Variants in LYN observed in about 807,000 individuals in gnomAD.
LYN encodes LYN proto-oncogene, Src family tyrosine kinase.
LYN carries 12 observed loss-of-function variants against 65.0 expected under a neutral mutation model. The ratio of observed to expected loss-of-function variants is 0.18; its 90% CI spans 0.12 to 0.30. The LOEUF (loss-of-function observed/expected upper bound fraction) is 0.30, where lower values mean the gene tolerates loss of function less well. LYN is among the 10% of genes least tolerant of loss of function. LYN has a pLI of 1.00. For synonymous variants in LYN, 222 were observed against 221.2 expected (o/e 1.00, Z -0.03); for missense variants, 380 against 623.2 (o/e 0.61, Z 4.16).
At position 55,952,064 on chromosome 8, in the gene LYN, T is replaced by G; in HGVS notation, c.586T>G (p.Ser196Ala). Residue 196 changes from serine (S) to alanine (A), a missense_variant, in exon 7 of 13, where the codon TCT becomes GCT. Ser to Ala is a moderately conservative substitution (Grantham distance 99, BLOSUM62 1). Coordinates refer to ENST00000519728, the MANE Select transcript of LYN (RefSeq NM_002350.4). ...TCTGGATAATGGGGGCTATTACATCTCTCCACGAATCACTTTTCCCTGTAT... is the reference window on the plus strand; with the variant it reads ...TCTGGATAATGGGGGCTATTACATCGCTCCACGAATCACTTTTCCCTGTAT... The part of the protein sequence containing the change: ...RSLDNGGYYI[S>A]PRITFPCISD... 1 of 1,607,424 alleles carries G rather than the reference T, an allele frequency of 6.2e-7. No individual in the cohort carries two copies. Among genetic ancestry groups the G allele is most frequent in the Non-Finnish European group, 8.5e-7 (1 of 1,178,116 alleles).
intron 1 of LYN, among the ~76,000 whole-genome samples, chr8:55,937,949 G>A (rs1015100570): frequency 2.1e-4 from 32 of 151,984 alleles, no homozygotes; most frequent in African/African-American, 7.5e-4. Flanking sequence ...CACCCGCCTC[G>A]GCCTCCCAAA....
intron 10 of LYN, among the ~76,000 whole-genome samples, chr8:55,985,880 A>G (rs1439537791): frequency 6.6e-6 from 1 of 152,142 alleles, no homozygotes; most frequent in Non-Finnish European, 1.5e-5. Flanking sequence ...TAATATACTA[A>G]GGGTGACCAG....
chr8:55,890,406 A>T (rs1036791542), intron 1 of LYN, among the ~76,000 whole-genome samples: 7 of 152,218 alleles, frequency 4.6e-5, no homozygotes, highest in Admixed American at 4.6e-4. Flanking sequence ...GTTAAAAAAG[A>T]ACACAACAAC....
chr8:55,984,370 G>T (rs1417579022), intron 10 of LYN, among the ~76,000 whole-genome samples: 1 of 152,164 alleles, frequency 6.6e-6, no homozygotes, highest in Admixed American at 6.5e-5. Flanking sequence ...TGTTGGGCAT[G>T]TCAAACTCAA....
intron 11 of LYN, among the ~76,000 whole-genome samples, chr8:55,998,948 CT>C (rs1339496840): frequency 6.6e-6 from 1 of 152,086 alleles, no homozygotes; most frequent in African/African-American, 2.4e-5. Context: ...TGCAAAAAAT[CT>C]ACTTCTTTAT....
chr8:55,958,601 G>A (rs1807187175), intron 8 of LYN, among the ~76,000 whole-genome samples: 1 of 152,186 alleles, frequency 6.6e-6, no homozygotes, highest in Admixed American at 6.5e-5. Context: ...CTGAGAGACT[G>A]TGTACTCTTT....
chr8:55,948,448 A>T (rs1022736171), intron 4 of LYN, among the ~76,000 whole-genome samples: 1 of 152,166 alleles, frequency 6.6e-6, no homozygotes, highest in African/African-American at 2.4e-5. Flanking sequence ...TGTGTTGGGA[A>T]ATTCTCAACT....
chr8:55,904,465 G>A (rs1219276043), intron 1 of LYN, among the ~76,000 whole-genome samples: 1 of 152,092 alleles, frequency 6.6e-6, no homozygotes, highest in Non-Finnish European at 1.5e-5. Context: ...TCTGTTCTGA[G>A]TTCACATATG....
intron 10 of LYN, among the ~76,000 whole-genome samples, chr8:55,989,846 C>T (rs1808193524): frequency 6.6e-6 from 1 of 152,136 alleles, no homozygotes; most frequent in Non-Finnish European, 1.5e-5. Context: ...TAGGCAAAGA[C>T]ATAAATCAGT....
At chr8:55,935,779 C>CAAAAA (rs59848254) in intron 1 of LYN, among the ~76,000 whole-genome samples, 2 of 93,886 alleles carry the variant, frequency 2.1e-5, no homozygotes, top group Non-Finnish European at 4.5e-5. Context: ...AGACTCCATC[C>CAAAAA]AAAAAAAAAA....
At chr8:55,955,080 G>A (rs1409111521) in intron 8 of LYN, 3 of 152,128 alleles carry the variant, frequency 2.0e-5, no homozygotes, top group Admixed American at 6.6e-5. Flanking sequence ...AAATGGAAGG[G>A]GCAGATGGCT....
At chr8:55,911,551 G>A (rs1288041789) in intron 1 of LYN, among the ~76,000 whole-genome samples, 1 of 151,900 alleles carries the variant, frequency 6.6e-6, no homozygotes, top group African/African-American at 2.4e-5. Context: ...GGGGCAGCAG[G>A]TGGAAATGTA....
intron 1 of LYN, among the ~76,000 whole-genome samples, chr8:55,925,020 T>A (rs181793388): frequency 1.8e-4 from 28 of 152,288 alleles, no homozygotes; most frequent in African/African-American, 6.5e-4. Context: ...TTTTATATTT[T>A]TAGTAGAGAT....
chr8:55,970,796 G>T (rs941228818), intron 10 of LYN, among the ~76,000 whole-genome samples: 1 of 152,212 alleles, frequency 6.6e-6, no homozygotes, highest in Non-Finnish European at 1.5e-5. Context: ...TGGAGTTTGT[G>T]TTCTGGCTCT....
chr8:56,003,937 T>A, intron 12 of LYN, among the ~76,000 whole-genome samples: 1 of 144,568 alleles, frequency 6.9e-6, no homozygotes, highest in African/African-American at 2.5e-5. Context: ...TCTTTTTTTT[T>A]TTTTTTTTTT....
chr8:55,889,303 C>G (rs117244009), intron 1 of LYN, among the ~76,000 whole-genome samples: 6,955 of 152,318 alleles, frequency 0.046, 186 homozygotes, highest in Non-Finnish European at 0.06. Flanking sequence ...CCTTGACCTC[C>G]TGGGCTCAAG....
rs373301912 is a variant in LYN, at chr8:56,009,922, G to A, written c.1351G>A (p.Asp451Asn). 1.9e-6 allele frequency: 3 copies of A among 1,613,752 alleles called. No homozygotes were observed. The highest frequency in any genetic ancestry group is 1.3e-5 in the African/African-American group (1 of 74,890). Residue 451 changes from aspartate (D) to asparagine (N), a missense_variant, in exon 13 of 13, where the codon GAC (aspartate) becomes AAC (asparagine). By Grantham distance (23) the Asp-to-Asn change is conservative. Around this residue, in one of 2 missense-constraint regions of LYN, gnomAD observed 223 missense variants for 430.0 expected, o/e 0.52. Transcript: ENST00000519728. The part of the protein sequence containing the change: ...KIPYPGRTNA[D>N]VMTALSQGYR... The stretch of plus-strand genomic sequence containing the variant: ...TTCCACCCTAGGGAGAACTAATGCC[G>A]ACGTGATGACCGCCCTGTCCCAGGG...
At chr8:55,958,299 T>C (rs955211355) in intron 8 of LYN, among the ~76,000 whole-genome samples, 1 of 152,196 alleles carries the variant, frequency 6.6e-6, no homozygotes, top group African/African-American at 2.4e-5. Context: ...TTAACATATA[T>C]TCAGGTGGTG....
intron 1 of LYN, among the ~76,000 whole-genome samples, chr8:55,936,188 A>G (rs1156889329): frequency 6.6e-6 from 1 of 151,964 alleles, no homozygotes; most frequent in Non-Finnish European, 1.5e-5. Flanking sequence ...CTAATTTGAA[A>G]CTCAAGATCA....
Sources: gnomAD v4.1 joint callset for allele counts (sites outside exome capture counted in the v4.1 genomes callset) on GRCh38, gnomAD v4.1.1 for gene constraint, gnomAD v4.1.1 regional missense constraint, MANE v1.5 for transcripts, NCBI Gene and HGNC (gene_info 2026-07-23, HGNC 2026-07-21) for gene names.